SORCS2: variants seen among roughly 807,000 people sequenced by gnomAD.
SORCS2 encodes sortilin related VPS10 domain containing receptor 2, also known as VPS10 domain-containing receptor SorCS2.
In SORCS2, 100 loss-of-function variants were observed where a neutral mutation model predicts 141.6. The observed-to-expected ratio is 0.71, with a 90% CI of 0.60 to 0.83. The LOEUF (loss-of-function observed/expected upper bound fraction) is 0.83. SORCS2 is among the 40% of genes least tolerant of loss of function. The pLI is 0.00. For synonymous variants in SORCS2, 789 were observed against 676.9 expected, an observed-to-expected ratio of 1.17 and a Z score of -2.57; for missense variants, 1,646 against 1,560.2, an observed-to-expected ratio of 1.05 and a Z score of -0.93.
intron 1 of SORCS2, among the ~76,000 whole-genome samples, chr4:7,218,046 A>C (rs997368596): frequency 1.3e-5 from 2 of 151,978 alleles, no homozygotes; most frequent in African/African-American, 2.4e-5. Flanking sequence ...GGTGCTCTTC[A>C]TGCATGTGCG....
rs1397955504 is a variant in SORCS2, at chr4:7,392,761, G to A, written c.481-3527G>A. Among the ~76,000 whole-genome samples, 5 of 152,040 alleles carry A rather than the reference G, an allele frequency of 3.3e-5. No homozygotes were observed. In the South Asian group the frequency reaches 1.0e-3, roughly 32 times the overall value. ...AGAGGGGGGAGGGCAGCAATGAAGT[G>A]CAAACCCATAAAAGCCCTGGGCCTG... On this transcript the variant is annotated intron_variant, in intron 1 of 26. Transcript: ENST00000507866.
chr4:7,417,256 T>C (rs1179552248), intron 2 of SORCS2, among the ~76,000 whole-genome samples: 2 of 152,122 alleles, frequency 1.3e-5, no homozygotes, highest in African/African-American at 4.8e-5. Flanking sequence ...GATGCTCTTT[T>C]TATAAGGGTC....
chr4:7,525,668 C>A (rs555111328), intron 2 of SORCS2, among the ~76,000 whole-genome samples: 2 of 152,226 alleles, frequency 1.3e-5, no homozygotes, highest in East Asian at 3.9e-4. Context: ...TCCTCAGTCA[C>A]CTGTCCCCAA....
At chr4:7,712,609 A>T in intron 14 of SORCS2, 124 bp from the exon 15 acceptor site, 1 of 1,366,888 alleles carries the variant, frequency 7.3e-7, no homozygotes, top group Non-Finnish European at 1.0e-6. Flanking sequence ...CAGCAAGGGC[A>T]GGAGAAGGAT....
At chr4:7,734,872 G>T (rs12499510) in intron 25 of SORCS2, among the ~76,000 whole-genome samples, 2 of 152,214 alleles carry the variant, frequency 1.3e-5, no homozygotes, top group African/African-American at 2.4e-5. Context: ...AGGCGCTCCC[G>T]TGGGGAGGGC....
intron 2 of SORCS2, among the ~76,000 whole-genome samples, chr4:7,525,849 G>GCAGTCACCTGTTCCCTCCT (rs1733646671): frequency 1.9e-5 from 1 of 51,662 alleles, no homozygotes; most frequent in Non-Finnish European, 3.5e-5. Context: ...GGGCCCTCCT[G>GCAGTCACCTGTTCCCTCCT]CAGTCACCTG....
chr4:7,280,385 A>G (rs1715793804), intron 1 of SORCS2, among the ~76,000 whole-genome samples: 1 of 152,212 alleles, frequency 6.6e-6, no homozygotes, highest in African/African-American at 2.4e-5. Context: ...GGAAAATGCC[A>G]GGGTTTTGAA....
intron 1 of SORCS2, among the ~76,000 whole-genome samples, chr4:7,306,209 C>T (rs1345079470): frequency 1.3e-5 from 2 of 152,184 alleles, no homozygotes; most frequent in Non-Finnish European, 2.9e-5. Context: ...GGCACAGACA[C>T]CTAAGCCCGG....
intron 2 of SORCS2, among the ~76,000 whole-genome samples, chr4:7,420,010 G>T (rs1164708013): frequency 6.6e-6 from 1 of 152,162 alleles, no homozygotes; most frequent in Non-Finnish European, 1.5e-5. Context: ...CTCCTCTCCC[G>T]CTAACCAGGG....
rs576186482 is a variant in SORCS2 at position 7,201,611 on chromosome 4, C to T, written c.480+8485C>T. ...GAATCAGCTGGGACGCTGCCGAGAA[C>T]CCCTGTGCCTTTTCCGGTGCAGGAA... is the stretch of plus-strand genomic sequence containing the variant. On this transcript the variant is annotated intron_variant, in intron 1 of 26. Coordinates refer to ENST00000507866, the MANE Select transcript of SORCS2 (RefSeq NM_020777.3). This position sits in a 1 kb window ranked among gnomAD's most constrained non-coding sequence, Gnocchi z 4.4. Among the ~76,000 whole-genome samples the T allele has an allele frequency of 6.8e-4, 104 of 152,322 alleles. No homozygotes were observed. Among genetic ancestry groups the T allele is most frequent in the African/African-American group, 2.3e-3 (96 of 41,568 alleles).
At chr4:7,321,191 A>C (rs1412918593) in intron 1 of SORCS2, among the ~76,000 whole-genome samples, 1 of 152,142 alleles carries the variant, frequency 6.6e-6, no homozygotes, top group Non-Finnish European at 1.5e-5. Flanking sequence ...GAGAACATAG[A>C]GTATTTGGTT....
intron 2 of SORCS2, among the ~76,000 whole-genome samples, chr4:7,521,643 A>T (rs1252419754): frequency 6.6e-6 from 1 of 152,196 alleles, no homozygotes; most frequent in Non-Finnish European, 1.5e-5. Flanking sequence ...AACGTGACCG[A>T]AGCTCAGAAT....
chr4:7,461,255 C>G (rs1274705247), intron 2 of SORCS2, among the ~76,000 whole-genome samples: 1 of 152,266 alleles, frequency 6.6e-6, no homozygotes, highest in Admixed American at 6.5e-5. Flanking sequence ...GCTTCCATCT[C>G]TGAACGTGAA....
intron 8 of SORCS2, among the ~76,000 whole-genome samples, chr4:7,667,560 C>T (rs1049618730): frequency 2.0e-5 from 3 of 152,248 alleles, no homozygotes; most frequent in African/African-American, 7.2e-5. Flanking sequence ...GGTCCCATCC[C>T]TCTCTTCTCC....
intron 7 of SORCS2, among the ~76,000 whole-genome samples, chr4:7,666,344 G>A (rs1722504067): frequency 6.6e-6 from 1 of 152,142 alleles, no homozygotes; most frequent in Non-Finnish European, 1.5e-5. Flanking sequence ...GGCAGGAGAA[G>A]GTGGGGGCCA....
intron 3 of SORCS2, among the ~76,000 whole-genome samples, chr4:7,637,253 A>G (rs9991951): frequency 0.53 from 80,944 of 151,992 alleles, 22,555 homozygotes; most frequent in East Asian, 0.96. Context: ...CAGACCCAAC[A>G]CCTGGCTGCT....
At chr4:7,704,554 G>C (rs1035962302) in intron 14 of SORCS2, among the ~76,000 whole-genome samples, 28 of 152,204 alleles carry the variant, frequency 1.8e-4, no homozygotes, top group African/African-American at 6.3e-4. Context: ...ATATGGCTTA[G>C]GGCCTGACAC....
intron 2 of SORCS2, 147 bp downstream of exon 2, chr4:7,396,502 A>G (rs115933515): frequency 1.9e-5 from 14 of 753,376 alleles, no homozygotes; most frequent in South Asian, 7.4e-5. Flanking sequence ...TAGAAAATGC[A>G]TAAAGGAAAA....
chr4:7,431,096 G>C (rs949432286), intron 2 of SORCS2: 1 of 152,418 alleles, frequency 6.6e-6, no homozygotes, highest in Non-Finnish European at 1.5e-5. Context: ...GGAGGGGTCA[G>C]AGGGCCCCTA....
Sources: gnomAD v4.1 joint callset for allele counts (sites outside exome capture counted in the v4.1 genomes callset) on GRCh38, gnomAD v4.1.1 for gene constraint, Gnocchi (gnomAD v3.1) non-coding constraint, MANE v1.5 for transcripts, NCBI Gene and HGNC (gene_info 2026-07-23, HGNC 2026-07-21) for gene names.